The following FNDC5 variants were observed in gnomAD, a reference collection of about 807,000 sequenced individuals.
FNDC5 encodes the protein fibronectin type III domain-containing protein 5.
Under a neutral mutation model 24.6 loss-of-function variants are expected in FNDC5, and 10 were observed. The observed-to-expected ratio is 0.41, with a 90% confidence interval of 0.25 to 0.69. The LOEUF is 0.69. FNDC5 is among the 30% of genes least tolerant of loss of function. The pLI is 0.34. For synonymous variants in FNDC5, 90 were observed against 110.7 expected, an observed-to-expected ratio of 0.81 and a Z score of 1.18; for missense variants, 226 against 282.9, an observed-to-expected ratio of 0.80 and a Z score of 1.44.
chr1:32,864,368 G>A, intron 5 of FNDC5, 69 bp from the exon 6 acceptor site: 3 of 1,598,894 alleles, frequency 1.9e-6, no homozygotes, highest in Non-Finnish European at 1.7e-6. Context: ...GGCACAGCAG[G>A]AGCAGGAATG....
chr1:32,865,817 C>G (rs114568722), intron 4 of FNDC5, among the ~76,000 whole-genome samples: 46 of 152,214 alleles, frequency 3.0e-4, no homozygotes, highest in Middle Eastern at 3.4e-3. Context: ...ATTATAATTC[C>G]CAGGGTACAA....
upstream of FNDC5, among the ~76,000 whole-genome samples, chr1:32,871,543 T>A (rs1231521943): frequency 6.6e-6 from 1 of 152,336 alleles, no homozygotes; most frequent in South Asian, 2.1e-4. Context: ...ATGCTGAGCT[T>A]TCTTTGCATT....
intron 1 of FNDC5, among the ~76,000 whole-genome samples, chr1:32,869,440 G>A (rs886323157): frequency 3.9e-5 from 6 of 152,384 alleles, no homozygotes; most frequent in African/African-American, 1.2e-4. Flanking sequence ...GACCTTGCGC[G>A]AAGGAGAAAG....
rs1425062940 is a variant in FNDC5, at chr1:32,868,727, A to G, written c.210+155T>C. 6.6e-6 allele frequency among the ~76,000 whole-genome samples: 1 copy of G among 151,662 alleles called. No individual in the cohort carries two copies. Among genetic ancestry groups the G allele is most frequent in the African/African-American group, 2.4e-5 (1 of 41,250 alleles). On this transcript the variant is annotated intron_variant, in intron 2 of 5. Transcript: ENST00000373471. This position sits in a 1 kb window ranked among gnomAD's most constrained non-coding sequence, Gnocchi z 4.8. ...AGACATATGTCTGAATGGGGCCCCA[A>G]TTTTCAGACATATGTCCAAATTGCT...
chr1:32,866,971 T>C (rs529202007), intron 4 of FNDC5, among the ~76,000 whole-genome samples: 1 of 152,238 alleles, frequency 6.6e-6, no homozygotes, highest in African/African-American at 2.4e-5. Flanking sequence ...ATGTCTGTAG[T>C]CTCAGCTACT....
chr1:32,872,162 A>G (rs772109287), upstream of FNDC5, among the ~76,000 whole-genome samples: 1 of 152,134 alleles, frequency 6.6e-6, no homozygotes, highest in African/African-American at 2.4e-5. Flanking sequence ...GTGCAGATTC[A>G]CACAGTGGGT....
At chr1:32,867,634 C>G in intron 4 of FNDC5, 119 bp downstream of exon 4, 1 of 926,058 alleles carries the variant, frequency 1.1e-6, no homozygotes, top group Non-Finnish European at 1.6e-6. Flanking sequence ...GACTTGGAGA[C>G]TTTTCACCTT....
chr1:32,871,661 C>A (rs1166016598), upstream of FNDC5, among the ~76,000 whole-genome samples: 3 of 152,250 alleles, frequency 2.0e-5, no homozygotes, highest in African/African-American at 7.2e-5. Context: ...GGACCCGCAG[C>A]AGAGCCAGGA....
chr1:32,864,401 G>T, intron 5 of FNDC5, 102 bp from the exon 6 acceptor site: 2 of 1,543,182 alleles, frequency 1.3e-6, no homozygotes, highest in Non-Finnish European at 8.7e-7. Flanking sequence ...CACTCCTATT[G>T]TCCCGCGCCA....
At chr1:32,870,594 G>A (rs1641162538) in intron 1 of FNDC5, 59 bp downstream of exon 1, 1 of 1,069,788 alleles carries the variant, frequency 9.3e-7, no homozygotes, top group South Asian at 4.7e-5. Flanking sequence ...GGACTCCCAG[G>A]TAGCTGGGCT....
rs769648870 is a variant in FNDC5 at position 32,863,497 on chromosome 1, A to G, written c.*797T>C. ...GCGAGGAGGCAGAAGGCTGTGTCTC[A>G]TGCAGCTTTGCCTTTTCCAGAATGG... is the stretch of plus-strand genomic sequence containing the variant. On this transcript the variant is annotated 3_prime_UTR_variant, in exon 6 of 6. Coordinates refer to ENST00000373471, the MANE Select transcript of FNDC5 (RefSeq NM_153756.3). The G allele has an allele frequency of 2.8e-6, 1 of 356,584 alleles. No homozygotes were observed. Among genetic ancestry groups the G allele is most frequent in the East Asian group, 7.4e-5 (1 of 13,560 alleles). The allele number at this position is 356,584 out of a possible 1,614,324, so 22.1% of individuals were successfully genotyped here.
rs111792806 is a variant in FNDC5, at chr1:32,863,451, G to A, written c.*843C>T. 591 of 293,112 alleles carry A rather than the reference G, an allele frequency of 2.0e-3. 7 individuals carry two copies. Among genetic ancestry groups the A allele is most frequent in the African/African-American group, 0.012 (556 of 46,240 alleles). 18.2% of individuals were successfully genotyped at this position (293,112 alleles called of 1,614,324 possible). A position where few individuals can be genotyped will look rare whatever the true frequency, so the allele number is the denominator to read the frequency against. On this transcript the variant is annotated 3_prime_UTR_variant, in exon 6 of 6. Transcript: ENST00000373471. ...CCAGGGCTTTGTGCATTTTCTCAAA[G>A]AGGAAGCCAGTCCAGGAGAGGCGAG...
At chr1:32,864,905 G>A in intron 4 of FNDC5, 108 bp from the exon 5 acceptor site, 8 of 1,481,394 alleles carry the variant, frequency 5.4e-6, no homozygotes, top group Non-Finnish European at 7.2e-6. Flanking sequence ...TACCTCACCT[G>A]TACTACTGCA....
chr1:32,870,923 G>T (rs1408110424), upstream of FNDC5: 1 of 147,476 alleles, frequency 6.8e-6, no homozygotes, highest in African/African-American at 2.5e-5. Context: ...CCCGCGCGGC[G>T]GCGGTGGCGG....
intron 4 of FNDC5, among the ~76,000 whole-genome samples, chr1:32,865,249 G>A (rs570928242): frequency 2.0e-5 from 3 of 151,972 alleles, no homozygotes; most frequent in Non-Finnish European, 2.9e-5. Context: ...ACAGGTATGC[G>A]CCACCACGTC....
chr1:32,868,481 A>ATCT lies in FNDC5; in HGVS notation c.211-96_211-94dup. The ATCT allele has an allele frequency of 7.9e-7, 1 of 1,273,746 alleles. No individual in the cohort carries two copies. The highest frequency in any genetic ancestry group is 1.1e-6 in the Non-Finnish European group (1 of 920,286). The allele number at this position is 1,273,746 out of a possible 1,614,324, so 78.9% of individuals were successfully genotyped here. A position where few individuals can be genotyped will look rare whatever the true frequency, so the allele number is the denominator to read the frequency against. On this transcript the variant is annotated intron_variant, in intron 2 of 5. Coordinates refer to ENST00000373471, the MANE Select transcript of FNDC5 (RefSeq NM_153756.3). This position sits in a 1 kb window ranked among gnomAD's most constrained non-coding sequence, Gnocchi z 4.8. ...TGGTGACAAAGCCTTTACATACACAATCTTCATCATTCCATCACCTCCGCT... is the reference window on the plus strand; with the variant it reads ...TGGTGACAAAGCCTTTACATACACAATCTTCTTCATCATTCCATCACCTCCGCT...
At position 32,862,691 on chromosome 1, in the gene FNDC5, A is replaced by G. The variant is rs187740130; in HGVS notation, c.*1603T>C. ...ACACCCATCCTTGACCACCAATGGA[A>G]GATGCAGATGTCCACCTCTTCCCAT... On this transcript the variant is annotated 3_prime_UTR_variant, in exon 6 of 6. Transcript: ENST00000373471. 1 of 152,806 alleles carries G rather than the reference A, an allele frequency of 6.5e-6. No homozygotes were observed. The highest frequency in any genetic ancestry group is 1.9e-4 in the East Asian group (1 of 5,190). 9.5% of individuals were successfully genotyped at this position (152,806 alleles called of 1,614,324 possible). A position where few individuals can be genotyped will look rare whatever the true frequency, so the allele number is the denominator to read the frequency against.
intron 4 of FNDC5, among the ~76,000 whole-genome samples, chr1:32,865,622 C>G (rs1641056980): frequency 6.6e-6 from 1 of 152,026 alleles, no homozygotes; most frequent in African/African-American, 2.4e-5. Context: ...TGCACTCCAG[C>G]CTGGGCAACA....
At chr1:32,871,809 C>G (rs1313370239), upstream of FNDC5, among the ~76,000 whole-genome samples, 1 of 152,226 alleles carries the variant, frequency 6.6e-6, no homozygotes, top group East Asian at 1.9e-4. Flanking sequence ...AGAAAACAGT[C>G]TGCAGCAATC....
Sources: gnomAD v4.1 joint callset for allele counts (sites outside exome capture counted in the v4.1 genomes callset) on GRCh38, gnomAD v4.1.1 for gene constraint, Gnocchi (gnomAD v3.1) non-coding constraint, MANE v1.5 for transcripts, NCBI Gene and HGNC (gene_info 2026-07-23, HGNC 2026-07-21) for gene names.